DGKK: variants seen among roughly 807,000 people sequenced by gnomAD.
DGKK encodes the protein diacylglycerol kinase kappa, also known as 142 kDa diacylglycerol kinase.
A neutral mutation model predicts 92.2 loss-of-function variants in DGKK; 35 were observed. The ratio of observed to expected loss-of-function variants is 0.38; its 90% CI spans 0.29 to 0.50. The LOEUF (loss-of-function observed/expected upper bound fraction) is 0.50, where lower values mean the gene tolerates loss of function less well. Among genes scored for constraint, DGKK ranks in the 20% least tolerant of loss-of-function variants. DGKK has a pLI of 0.92. For synonymous variants in DGKK, 368 were observed against 360.6 expected, an observed-to-expected ratio of 1.02 and a Z score of -0.23; for missense variants, 910 against 992.2, an observed-to-expected ratio of 0.92 and a Z score of 1.11.
chrX:50,412,034 TC>T (rs1227401464), intron 4 of DGKK, among the ~76,000 whole-genome samples: 1 of 111,663 alleles, frequency 9.0e-6, no homozygotes, highest in African/African-American at 3.3e-5. Flanking sequence ...GCATCCCAAA[TC>T]CAAAAATCTG....
chrX:50,366,018 T>A lies in DGKK; in HGVS notation c.*2922A>T, dbSNP rs1557222462. 3 of 111,451 alleles carry A rather than the reference T, an allele frequency of 2.7e-5. No homozygotes were observed. In the East Asian group the frequency reaches 8.4e-4, roughly 31 times the overall value. The allele number at this position is 111,451 out of a possible 1,213,427, so 9.2% of individuals were successfully genotyped here. On this transcript the variant is annotated 3_prime_UTR_variant, in exon 28 of 28. Transcript: ENST00000611977. ...TCTCCACTATTCTTCTGGCCAGGAA[T>A]TGCCTACCCAACCAATTCGTCAGAA... is the stretch of plus-strand genomic sequence containing the variant.
chrX:50,459,447 C>T (rs1926691212), intron 1 of DGKK, among the ~76,000 whole-genome samples: 1 of 110,300 alleles, frequency 9.1e-6, no homozygotes, highest in African/African-American at 3.3e-5. Flanking sequence ...AAGTTCAGTG[C>T]CAGTAAGGAA....
rs782599525 is a variant in DGKK at position 50,382,493 on chromosome X, T to C, written c.2657+3A>G. 1 of 1,192,760 alleles carries C rather than the reference T, an allele frequency of 8.4e-7. No individual in the cohort carries two copies. Among genetic ancestry groups the C allele is most frequent in the South Asian group, 1.8e-5 (1 of 54,941 alleles). On this transcript the variant is annotated splice_donor_region_variant and intron_variant, in intron 18 of 27. Transcript: ENST00000611977. The stretch of plus-strand genomic sequence containing the variant: ...TGTAGGGAAGGGAGTTTCTTTTCCT[T>C]ACTTGTATTGCCCTGGGTGTTCATC...
chrX:50,431,575 C>T (rs1386553663), intron 1 of DGKK, among the ~76,000 whole-genome samples: 1 of 111,433 alleles, frequency 9.0e-6, no homozygotes, highest in Non-Finnish European at 1.9e-5. Flanking sequence ...TGAATTATTA[C>T]GGGCACAACT....
At chrX:50,457,925 C>T (rs1328406137) in intron 1 of DGKK, among the ~76,000 whole-genome samples, 1 of 111,796 alleles carries the variant, frequency 8.9e-6, no homozygotes, top group African/African-American at 3.2e-5. Context: ...TTAACACATT[C>T]CAGGTTAGGA....
At chrX:50,399,599 C>T (rs782056316) in intron 8 of DGKK, among the ~76,000 whole-genome samples, 1 of 112,015 alleles carries the variant, frequency 8.9e-6, no homozygotes, top group Non-Finnish European at 1.9e-5. Flanking sequence ...AACTTTCCTC[C>T]AGTAAGTGAA....
At chrX:50,383,382 A>G (rs1161673796) in intron 17 of DGKK, among the ~76,000 whole-genome samples, 2 of 111,776 alleles carry the variant, frequency 1.8e-5, no homozygotes, top group Non-Finnish European at 3.8e-5. Context: ...GAGAGCTCAG[A>G]CATAAATTTG....
chrX:50,442,236 A>G (rs1299203360), intron 1 of DGKK, among the ~76,000 whole-genome samples: 5 of 111,826 alleles, frequency 4.5e-5, no homozygotes, highest in Non-Finnish European at 7.5e-5. Flanking sequence ...TATTTTCTGA[A>G]TGGAATATGA....
At position 50,384,730 on chromosome X, in the gene DGKK, GC is replaced by G; in HGVS notation, c.2441del (p.Ser814ThrfsTer45). ...EDDPEDINQT[S>X]PRRRSRRGTL... is the part of the protein sequence containing the mutation. ...CAGAAAGATCCTTACGGCGTCGTGGGCTTGTCTGGTTAATATCTTCTGGGTC... is the reference window on the plus strand; with the variant it reads ...CAGAAAGATCCTTACGGCGTCGTGGGTTGTCTGGTTAATATCTTCTGGGTC... On this transcript the variant is annotated frameshift_variant, in exon 16 of 28. Coordinates refer to ENST00000611977, the MANE Select transcript of DGKK (RefSeq NM_001013742.4). LOFTEE classifies it high-confidence loss of function. The G allele has an allele frequency of 8.3e-7, 1 of 1,208,926 alleles. No homozygotes were observed. Among genetic ancestry groups the G allele is most frequent in the Non-Finnish European group, 1.1e-6 (1 of 893,472 alleles).
intron 18 of DGKK, 147 bp downstream of exon 18, chrX:50,382,349 C>T (rs981014476): frequency 3.2e-5 from 14 of 441,151 alleles, no homozygotes; most frequent in East Asian, 8.3e-5. Flanking sequence ...CACACTGTCC[C>T]GCTAGACTAG....
chrX:50,374,957 C>T lies in DGKK; in HGVS notation c.3501+14G>A, dbSNP rs781787603. 3 of 1,198,134 alleles carry T rather than the reference C, an allele frequency of 2.5e-6. No individual in the cohort carries two copies. The highest frequency in any genetic ancestry group is 2.2e-5 in the Admixed American group (1 of 45,769). On this transcript the variant is annotated intron_variant, in intron 25 of 27. Transcript: ENST00000611977. ...AATACTTTGCCCTCCCAGACTCCAA[C>T]CCCCTGCACTCACCAGCTTTTCATC... is the stretch of plus-strand genomic sequence containing the variant.
At chrX:50,463,787 C>T (rs1280499888) in intron 1 of DGKK, among the ~76,000 whole-genome samples, 2 of 110,413 alleles carry the variant, frequency 1.8e-5, no homozygotes, top group Admixed American at 9.7e-5. Context: ...CTTCCCTTCC[C>T]GCCCCCCATA....
At chrX:50,427,940 G>A (rs992509470) in intron 1 of DGKK, among the ~76,000 whole-genome samples, 15 of 110,714 alleles carry the variant, frequency 1.4e-4, no homozygotes, top group African/African-American at 4.9e-4. Context: ...GATATGGCAG[G>A]GGCATAAGTA....
chrX:50,462,868 T>C (rs1926783591), intron 1 of DGKK, among the ~76,000 whole-genome samples: 1 of 102,791 alleles, frequency 9.7e-6, no homozygotes, highest in African/African-American at 3.5e-5. Context: ...AAAGATTTTC[T>C]TTTCCTTTCC....
intron 17 of DGKK, among the ~76,000 whole-genome samples, chrX:50,383,350 A>G (rs1161764587): frequency 8.9e-6 from 1 of 111,863 alleles, no homozygotes; most frequent in Non-Finnish European, 1.9e-5. Context: ...ACTATTGATC[A>G]AAATTCATTA....
At chrX:50,454,467 A>G (rs1189663629) in intron 1 of DGKK, among the ~76,000 whole-genome samples, 3 of 111,159 alleles carry the variant, frequency 2.7e-5, no homozygotes, top group Non-Finnish European at 5.7e-5. Context: ...CTTCCAATCT[A>G]TCCTTTACAC....
At chrX:50,402,319 G>A (rs1255385075) in intron 7 of DGKK, among the ~76,000 whole-genome samples, 1 of 111,708 alleles carries the variant, frequency 9.0e-6, no homozygotes. Flanking sequence ...GCTGAGGTGA[G>A]AGGAGCCCAC....
Position 50,392,388 on chromosome X carries a change from C to T in DGKK, c.1657G>A (p.Val553Met), listed in dbSNP as rs1557225654. The change falls in exon 10 of 28, where the codon GTG becomes ATG. Residue 553 changes from valine to methionine, a missense_variant. Coordinates refer to ENST00000611977, the MANE Select transcript of DGKK (RefSeq NM_001013742.4). ...RILVCGGDGS[V>M]SWVLSLIDAF... Reference sequence around the variant, plus strand: ...TCAATCAGAGATAAGACCCAGCTCACGCTGCCATCTCCACCACAAACCAGA... The same window carrying T: ...TCAATCAGAGATAAGACCCAGCTCATGCTGCCATCTCCACCACAAACCAGA... 14 of 1,211,395 alleles carry T rather than the reference C, an allele frequency of 1.2e-5. No homozygotes were observed. Among genetic ancestry groups the T allele is most frequent in the Admixed American group, 2.2e-5 (1 of 46,107 alleles).
chrX:50,372,304 A>G (rs1487197800), intron 25 of DGKK, among the ~76,000 whole-genome samples: 1 of 112,208 alleles, frequency 8.9e-6, no homozygotes, highest in African/African-American at 3.2e-5. Context: ...TGGGTGAGAA[A>G]ACAGACTCCA....
Sources: gnomAD v4.1 joint callset for allele counts (sites outside exome capture counted in the v4.1 genomes callset) on GRCh38, gnomAD v4.1.1 for gene constraint, MANE v1.5 for transcripts, NCBI Gene and HGNC (gene_info 2026-07-23, HGNC 2026-07-21) for gene names.